The following SDK2 variants were observed in gnomAD, a reference collection of about 807,000 sequenced individuals.
SDK2 encodes sidekick cell adhesion molecule 2.
In SDK2, 105 loss-of-function variants were observed where a neutral mutation model predicts 253.9. That is an observed-to-expected ratio of 0.41 (90% CI 0.35 to 0.49). The LOEUF is 0.49. Among genes scored for constraint, SDK2 ranks in the 20% least tolerant of loss-of-function variants. The probability of loss-of-function intolerance (pLI) is 0.06; values close to 1 mark genes in which losing one functional copy is unlikely to be tolerated. For missense variants in SDK2, 2,608 were observed against 3,003.0 expected, an observed-to-expected ratio of 0.87 and a Z score of 3.07; for synonymous variants, 1,249 against 1,234.9, an observed-to-expected ratio of 1.01 and a Z score of -0.24.
chr17:73,349,191 T>G (rs2062512908), intron 43 of SDK2, among the ~76,000 whole-genome samples: 1 of 152,236 alleles, frequency 6.6e-6, no homozygotes. Flanking sequence ...GGGGCTGCTA[T>G]GGCCATGCTG....
At chr17:73,406,434 G>A (rs973571729) in intron 18 of SDK2, among the ~76,000 whole-genome samples, 2 of 151,910 alleles carry the variant, frequency 1.3e-5, no homozygotes, top group African/African-American at 4.8e-5. Flanking sequence ...ATTTTTAATG[G>A]AGATGGGATT....
intron 40 of SDK2, among the ~76,000 whole-genome samples, chr17:73,354,282 G>A (rs1338282034): frequency 6.6e-6 from 1 of 152,228 alleles, no homozygotes; most frequent in East Asian, 1.9e-4. Context: ...TTGCACCTGA[G>A]CTTCCCTCAG....
chr17:73,475,685 C>T (rs1466896338), intron 2 of SDK2, among the ~76,000 whole-genome samples: 1 of 152,146 alleles, frequency 6.6e-6, no homozygotes, highest in Non-Finnish European at 1.5e-5. Context: ...AAAGTAAGAG[C>T]TGGGGAGGAG....
At chr17:73,348,488 A>C in intron 44 of SDK2, 111 bp downstream of exon 44, 1 of 1,326,462 alleles carries the variant, frequency 7.5e-7, no homozygotes. Context: ...GGGCCCCTTA[A>C]TATTTGCTGC....
chr17:73,631,010 T>C (rs1038211515), intron 1 of SDK2, among the ~76,000 whole-genome samples: 2 of 152,148 alleles, frequency 1.3e-5, no homozygotes, highest in African/African-American at 4.8e-5. Context: ...CGTGGGGCTC[T>C]GGGACAGAGG....
Position 73,352,879 on chromosome 17 carries a change from G to A in SDK2, c.5594-242C>T, listed in dbSNP as rs1291785178. On this transcript the variant is annotated intron_variant, in intron 40 of 44. Coordinates refer to ENST00000392650, the MANE Select transcript of SDK2 (RefSeq NM_001144952.2). This position sits in a 1 kb window ranked among gnomAD's most constrained non-coding sequence, Gnocchi z 4.1. ...GGCCGAGGTGGGTGGATCACCTGAG[G>A]TTAGGAGTTCGAGACCAGCCTAGCC... is the stretch of plus-strand genomic sequence containing the variant. Among the ~76,000 whole-genome samples the A allele has an allele frequency of 9.2e-5, 14 of 152,200 alleles. No homozygotes were observed. Among genetic ancestry groups the A allele is most frequent in the Non-Finnish European group, 1.5e-4 (10 of 68,032 alleles).
At chr17:73,412,022 ATATGTATATATAC>A (rs2063134748) in intron 18 of SDK2, among the ~76,000 whole-genome samples, 1 of 49,280 alleles carries the variant, frequency 2.0e-5, no homozygotes. Flanking sequence ...AGATATACGT[ATATGTATATATAC>A]GTATATATAT....
chr17:73,600,231 C>A (rs2045818584), intron 1 of SDK2, among the ~76,000 whole-genome samples: 2 of 152,216 alleles, frequency 1.3e-5, no homozygotes, highest in African/African-American at 4.8e-5. Context: ...GGGTTTCCCT[C>A]CAGGAGCCCA....
chr17:73,369,293 C>T, intron 36 of SDK2: 1 of 335,256 alleles, frequency 3.0e-6, no homozygotes, highest in Non-Finnish European at 6.6e-6. Context: ...GTGCTGGTGG[C>T]CTCATGTCAC....
intron 1 of SDK2, among the ~76,000 whole-genome samples, chr17:73,597,603 G>A (rs1049317067): frequency 2.0e-5 from 3 of 151,552 alleles, no homozygotes. Context: ...TTATAAATAT[G>A]TATTCATAGG....
Position 73,335,097 on chromosome 17 carries a change from C to CG in SDK2, c.*3489dup, listed in dbSNP as rs1456855753. On this transcript the variant is annotated 3_prime_UTR_variant, in exon 45 of 45. Transcript: ENST00000392650. ...GTTTGGGGGTAGGAGTTTTGGGGGC[C>CG]GGGGGGTGAGGGATGGACAGAAGGG... 2.7e-5 allele frequency: 4 copies of CG among 146,418 alleles called. No individual in the cohort carries two copies. Among genetic ancestry groups the CG allele is most frequent in the Admixed American group, 6.8e-5 (1 of 14,636 alleles). The allele number at this position is 146,418 out of a possible 1,614,324, so 9.1% of individuals were successfully genotyped here.
chr17:73,350,279 G>A lies in SDK2; in HGVS notation c.5996C>T (p.Ser1999Phe). The A allele has an allele frequency of 1.2e-6, 2 of 1,610,092 alleles. No individual in the cohort carries two copies. Among genetic ancestry groups the A allele is most frequent in the Admixed American group, 3.4e-5 (2 of 59,366 alleles). The change falls in exon 43 of 45, where the codon TCC (serine) becomes TTC (phenylalanine). Residue 1999 changes from serine to phenylalanine, a missense_variant. By Grantham distance (155) the Ser-to-Phe change is radical. Transcript: ENST00000392650. ...PALELNNRRL[S>F]VKNSFCRKNG... ...CTTTCGGCAGAAAGAGTTCTTGACG[G>A]AGAGCCGCCTGTTGTTGAGTTCCAG... is the stretch of plus-strand genomic sequence containing the variant.
chr17:73,524,241 A>C (rs2064107293), intron 1 of SDK2, among the ~76,000 whole-genome samples: 1 of 152,180 alleles, frequency 6.6e-6, no homozygotes, highest in South Asian at 2.1e-4. Flanking sequence ...CAGGATTGGC[A>C]TGTTGGCAGG....
At chr17:73,483,709 T>A (rs544658628) in intron 2 of SDK2, among the ~76,000 whole-genome samples, 1,097 of 80,104 alleles carry the variant, frequency 0.014, 63 homozygotes, top group African/African-American at 0.051. Context: ...ATATATATAT[T>A]TTTTTTTTTT....
chr17:73,552,567 G>A (rs2045079144), intron 1 of SDK2, among the ~76,000 whole-genome samples: 1 of 152,160 alleles, frequency 6.6e-6, no homozygotes. Flanking sequence ...CCCATCATGA[G>A]CCACTTAGAT....
chr17:73,481,131 G>A lies in SDK2; in HGVS notation c.225-8913C>T, dbSNP rs1338166155. Among the ~76,000 whole-genome samples the A allele has an allele frequency of 6.6e-6, 1 of 152,208 alleles. No homozygotes were observed. The highest frequency in any genetic ancestry group is 2.4e-5 in the African/African-American group (1 of 41,460). On this transcript the variant is annotated intron_variant, in intron 2 of 44. Coordinates refer to ENST00000392650, the MANE Select transcript of SDK2 (RefSeq NM_001144952.2). This position sits in a 1 kb window ranked among gnomAD's most constrained non-coding sequence, Gnocchi z 4.5. ...AATTGGTTCTGGAGCAGGCACTGGG[G>A]AGGGGACAGGCAAGCCCAGGCGAGC...
intron 1 of SDK2, among the ~76,000 whole-genome samples, chr17:73,596,854 T>C (rs564775062): frequency 6.6e-5 from 10 of 152,334 alleles, no homozygotes; most frequent in African/African-American, 1.9e-4. Context: ...AAGAGGGAGA[T>C]GAAGCTGGCT....
In SDK2 at chr17:73,401,938, G is replaced by T; in HGVS notation, c.2680+8C>A. The T allele has an allele frequency of 3.1e-6, 5 of 1,591,872 alleles. No individual in the cohort carries two copies. The highest frequency in any genetic ancestry group is 1.1e-5 in the South Asian group (1 of 88,844). On this transcript the variant is annotated splice_region_variant and intron_variant, in intron 19 of 44. Coordinates refer to ENST00000392650, the MANE Select transcript of SDK2 (RefSeq NM_001144952.2). ...GGGGCAGAAAGAGCAGGGCTGGGGG[G>T]TGCCTACCATCCTCATGGGTGCGCA...
At chr17:73,359,059 C>T (rs2062618188) in intron 39 of SDK2, among the ~76,000 whole-genome samples, 1 of 152,080 alleles carries the variant, frequency 6.6e-6, no homozygotes, top group South Asian at 2.1e-4. Flanking sequence ...CACATGCTGT[C>T]ACCTCCAATC....
Sources: gnomAD v4.1 joint callset for allele counts (sites outside exome capture counted in the v4.1 genomes callset) on GRCh38, gnomAD v4.1.1 for gene constraint, Gnocchi (gnomAD v3.1) non-coding constraint, MANE v1.5 for transcripts, NCBI Gene and HGNC (gene_info 2026-07-23, HGNC 2026-07-21) for gene names.